Variants in MANSC4 observed in about 807,000 individuals in gnomAD.
The protein encoded by MANSC4 is MANSC domain-containing protein 4.
In MANSC4, 11 loss-of-function variants were observed where a neutral mutation model predicts 11.4. The observed-to-expected ratio is 0.97, with a 90% CI of 0.61 to 1.60. The LOEUF is 1.60. Ranked by LOEUF, MANSC4 falls within the 40% of genes most tolerant of loss-of-function variation. MANSC4 has a pLI of 0.00. For missense variants in MANSC4, 354 were observed against 404.6 expected, an observed-to-expected ratio of 0.88 and a Z score of 1.07; for synonymous variants, 123 against 147.1, an observed-to-expected ratio of 0.84 and a Z score of 1.19.
At chr12:27,779,097 G>A (rs1377536710) in intron 1 of MANSC4, among the ~76,000 whole-genome samples, 1 of 152,194 alleles carries the variant, frequency 6.6e-6, no homozygotes, top group Non-Finnish European at 1.5e-5. Context: ...TCGAACTCCT[G>A]ACCTCGTGAT....
chr12:27,770,184 T>TGA (rs368183852), intron 2 of MANSC4, among the ~76,000 whole-genome samples: 43 of 144,890 alleles, frequency 3.0e-4, no homozygotes, highest in African/African-American at 6.8e-4. Flanking sequence ...TGTTTGTGTG[T>TGA]GAGAGAGAGA....
chr12:27,777,540 G>A (rs780245115), intron 1 of MANSC4, among the ~76,000 whole-genome samples: 14 of 152,138 alleles, frequency 9.2e-5, no homozygotes, highest in Non-Finnish European at 1.6e-4. Flanking sequence ...AAAGCTTATC[G>A]TGTCTCACTG....
Position 27,763,061 on chromosome 12 carries a change from G to A in MANSC4, c.700C>T (p.Pro234Ser). 1 of 1,551,704 alleles carries A rather than the reference G, an allele frequency of 6.4e-7. No homozygotes were observed. Among genetic ancestry groups the A allele is most frequent in the Non-Finnish European group, 8.7e-7 (1 of 1,146,998 alleles). Reference sequence around the variant, plus strand: ...TTTGTGTCTATGGGTTCAAAGAAAGGAGAAATAGTCTTATTATCTGGATTG... The same window carrying A: ...TTTGTGTCTATGGGTTCAAAGAAAGAAGAAATAGTCTTATTATCTGGATTG... ...ISNPDNKTIS[P>S]FFEPIDTKLS... is the part of the protein sequence containing the mutation. Residue 234 changes from proline (P) to serine (S), a missense_variant, in exon 4 of 4, where the codon CCT (proline) becomes TCT (serine). By Grantham distance (74) the Pro-to-Ser change is moderately conservative. Transcript: ENST00000381273.
chr12:27,779,854 C>G (rs1267495121), intron 1 of MANSC4: 1 of 151,634 alleles, frequency 6.6e-6, no homozygotes, highest in Non-Finnish European at 1.5e-5. Flanking sequence ...GGCGGAGAGG[C>G]TGCGGGGACG....
chr12:27,773,181 T>C (rs1565478555), intron 1 of MANSC4, among the ~76,000 whole-genome samples: 1 of 152,164 alleles, frequency 6.6e-6, no homozygotes, highest in Admixed American at 6.5e-5. Context: ...GGTCTCTACT[T>C]ACTAACTAAC....
In MANSC4 at chr12:27,771,144, G is replaced by A; in HGVS notation, c.133C>T (p.Leu45=). 6.4e-7 allele frequency: 1 copy of A among 1,551,934 alleles called. No homozygotes were observed. The highest frequency in any genetic ancestry group is 8.7e-7 in the Non-Finnish European group (1 of 1,147,042). Residue 45 remains leucine (L), a synonymous_variant, in exon 2 of 4, where the codon CTG becomes TTG. Coordinates refer to ENST00000381273, the MANE Select transcript of MANSC4 (RefSeq NM_001146221.5). ...GCTCCCAGCTTCTGAGACTCCTCCAGATTGATTAGAAGACCTGGGAAGCGA... is the reference window on the plus strand; with the variant it reads ...GCTCCCAGCTTCTGAGACTCCTCCAAATTGATTAGAAGACCTGGGAAGCGA... The part of the protein sequence containing the change: ...IRRFPGLLIN[L]EESQKLGAQF...
intron 2 of MANSC4, among the ~76,000 whole-genome samples, chr12:27,768,455 T>C (rs2140799987): frequency 6.7e-6 from 1 of 149,650 alleles, no homozygotes; most frequent in East Asian, 2.0e-4. Flanking sequence ...AAGAAAATAG[T>C]TCTCTGACAG....
intron 1 of MANSC4, among the ~76,000 whole-genome samples, chr12:27,778,941 T>C (rs1002408392): frequency 3.9e-5 from 6 of 152,238 alleles, no homozygotes; most frequent in Non-Finnish European, 8.8e-5. Flanking sequence ...CGATCTCGGC[T>C]CACTGCAACC....
chr12:27,770,778 A>AG (rs1249015078), intron 2 of MANSC4, among the ~76,000 whole-genome samples: 1 of 152,230 alleles, frequency 6.6e-6, no homozygotes, highest in East Asian at 1.9e-4. Context: ...ACTTTCATTT[A>AG]GCATTTTGGT....
At chr12:27,776,191 T>G (rs1221589237) in intron 1 of MANSC4, among the ~76,000 whole-genome samples, 1 of 151,602 alleles carries the variant, frequency 6.6e-6, no homozygotes, top group Non-Finnish European at 1.5e-5. Flanking sequence ...CATACCAAAA[T>G]TTACTCTGCA....
chr12:27,767,566 G>A (rs1224895980), intron 2 of MANSC4, among the ~76,000 whole-genome samples: 1 of 152,086 alleles, frequency 6.6e-6, no homozygotes, highest in Non-Finnish European at 1.5e-5. Flanking sequence ...AGCCAGGCGT[G>A]GTGGCGCATT....
At chr12:27,767,989 C>T (rs1378004597) in intron 2 of MANSC4, among the ~76,000 whole-genome samples, 1 of 152,194 alleles carries the variant, frequency 6.6e-6, no homozygotes, top group Non-Finnish European at 1.5e-5. Flanking sequence ...TAATCAGTGT[C>T]ATTTAAAGAG....
intron 3 of MANSC4, among the ~76,000 whole-genome samples, chr12:27,766,252 G>A (rs2062071881): frequency 6.6e-6 from 1 of 152,138 alleles, no homozygotes; most frequent in African/African-American, 2.4e-5. Flanking sequence ...ATTTTTGGTA[G>A]AGACAGGGTT....
intron 3 of MANSC4, among the ~76,000 whole-genome samples, chr12:27,764,932 G>T (rs2062065609): frequency 6.6e-6 from 1 of 152,016 alleles, no homozygotes; most frequent in Non-Finnish European, 1.5e-5. Flanking sequence ...TGAACTCCTG[G>T]GCTCAAGTGA....
intron 1 of MANSC4, among the ~76,000 whole-genome samples, chr12:27,777,863 C>T (rs973952965): frequency 5.9e-5 from 9 of 151,842 alleles, no homozygotes; most frequent in African/African-American, 2.2e-4. Context: ...GGCAGGATCC[C>T]TTGGGGCCAG....
chr12:27,763,945 C>G (rs1464108816), intron 3 of MANSC4, among the ~76,000 whole-genome samples: 1 of 152,082 alleles, frequency 6.6e-6, no homozygotes, highest in African/African-American at 2.4e-5. Context: ...GTTGCCCAGG[C>G]TGGTCCCAAA....
intron 1 of MANSC4, among the ~76,000 whole-genome samples, chr12:27,777,689 G>A (rs1474229647): frequency 1.3e-5 from 2 of 152,194 alleles, no homozygotes; most frequent in Non-Finnish European, 2.9e-5. Flanking sequence ...GTAAGTCATA[G>A]ATCCATTTTT....
chr12:27,777,918 A>G (rs2062125166), intron 1 of MANSC4, among the ~76,000 whole-genome samples: 1 of 151,896 alleles, frequency 6.6e-6, no homozygotes, highest in East Asian at 1.9e-4. Flanking sequence ...CCCTATCTCT[A>G]TGGAAAAAAA....
Position 27,775,024 on chromosome 12 carries a change from AAAATAAATAAAT to A in MANSC4, c.-306-3454_-306-3443del, listed in dbSNP as rs71039849. On this transcript the variant is annotated intron_variant, in intron 1 of 3. Transcript: ENST00000381273. ...GGGCGACAGAGCGAGATTCCGTCTCAAAATAAATAAATAAATAAATAAATAAATAAATAAATA... is the reference window on the plus strand; with the variant it reads ...GGGCGACAGAGCGAGATTCCGTCTCAAAATAAATAAATAAATAAATAAATA... Among the ~76,000 whole-genome samples the A allele has an allele frequency of 6.7e-3, 752 of 112,792 alleles. 8 individuals are homozygous for A. The highest frequency in any genetic ancestry group is 0.022 in the African/African-American group (689 of 31,330). The allele number at this position is 112,792 out of a possible 152,430, so 74.0% of individuals were successfully genotyped here. A position where few individuals can be genotyped will look rare whatever the true frequency, so the allele number is the denominator to read the frequency against.
Sources: gnomAD v4.1 joint callset for allele counts (sites outside exome capture counted in the v4.1 genomes callset) on GRCh38, gnomAD v4.1.1 for gene constraint, MANE v1.5 for transcripts, NCBI Gene and HGNC (gene_info 2026-07-23, HGNC 2026-07-21) for gene names.